Variants in PRKCA observed in about 807,000 individuals in gnomAD.
PRKCA encodes the protein protein kinase C alpha, also known as protein kinase C alpha type.
A neutral mutation model predicts 87.0 loss-of-function variants in PRKCA; 27 were observed. That is an observed-to-expected ratio of 0.31 (90% CI 0.23 to 0.43). The LOEUF (loss-of-function observed/expected upper bound fraction) is 0.43. PRKCA is among the 20% of genes least tolerant of loss of function. The pLI is 1.00. For synonymous variants in PRKCA, 329 were observed against 311.1 expected, an observed-to-expected ratio of 1.06 and a Z score of -0.61; for missense variants, 518 against 852.3, an observed-to-expected ratio of 0.61 and a Z score of 4.88.
At chr17:66,553,748 G>A (rs1968412702) in intron 3 of PRKCA, among the ~76,000 whole-genome samples, 1 of 152,234 alleles carries the variant, frequency 6.6e-6, no homozygotes, top group African/African-American at 2.4e-5. Flanking sequence ...CATCTTGGAA[G>A]TGGATCCTTT....
chr17:66,385,272 T>A (rs764086380), intron 2 of PRKCA, among the ~76,000 whole-genome samples: 1 of 152,086 alleles, frequency 6.6e-6, no homozygotes, highest in Non-Finnish European at 1.5e-5. Flanking sequence ...AAGAGTGCAT[T>A]GAATCAAGTA....
Position 66,680,085 on chromosome 17 carries a change from C to T in PRKCA, c.530-7026C>T, listed in dbSNP as rs201264933. 1.1e-3 allele frequency among the ~76,000 whole-genome samples: 167 copies of T among 152,316 alleles called. 2 individuals carry two copies. The highest frequency in any genetic ancestry group is 1.5e-3 in the East Asian group (8 of 5,182). On this transcript the variant is annotated intron_variant, in intron 5 of 16. Transcript: ENST00000413366. The stretch of plus-strand genomic sequence containing the variant: ...TGGGTTGTGGAAGCGTCCTTCACTC[C>T]GTGGCCTGGTGTTGAATGACATGAA...
chr17:66,525,960 T>C (rs986566035), intron 3 of PRKCA, among the ~76,000 whole-genome samples: 4 of 152,158 alleles, frequency 2.6e-5, no homozygotes, highest in African/African-American at 9.6e-5. Context: ...AAATAAACAA[T>C]AAGAGTCGTC....
intron 2 of PRKCA, among the ~76,000 whole-genome samples, chr17:66,491,740 A>G (rs549416754): frequency 2.0e-5 from 3 of 151,870 alleles, no homozygotes; most frequent in Non-Finnish European, 2.9e-5. Flanking sequence ...TCTTTCAACA[A>G]TGCTAGCAAG....
chr17:66,422,777 A>T (rs1912561229), intron 2 of PRKCA, among the ~76,000 whole-genome samples: 1 of 152,156 alleles, frequency 6.6e-6, no homozygotes, highest in Admixed American at 6.5e-5. Flanking sequence ...TCTTGGATTC[A>T]TTCAATAACC....
At chr17:66,562,174 A>G (rs1020820932) in intron 3 of PRKCA, among the ~76,000 whole-genome samples, 1 of 85,186 alleles carries the variant, frequency 1.2e-5, no homozygotes. Flanking sequence ...AATTAAATAT[A>G]TATAATTAAG....
intron 13 of PRKCA, among the ~76,000 whole-genome samples, chr17:66,764,787 C>A (rs896809403): frequency 6.6e-6 from 1 of 152,232 alleles, no homozygotes; most frequent in African/African-American, 2.4e-5. Flanking sequence ...CAGCCCCTTG[C>A]CTGGGGCTTC....
chr17:66,680,952 G>T (rs1972474093), intron 5 of PRKCA, among the ~76,000 whole-genome samples: 1 of 152,208 alleles, frequency 6.6e-6, no homozygotes, highest in Non-Finnish European at 1.5e-5. Flanking sequence ...GGAGGGACTG[G>T]GTGCAGTGGC....
chr17:66,618,029 G>A (rs933201856), intron 3 of PRKCA, among the ~76,000 whole-genome samples: 2 of 152,128 alleles, frequency 1.3e-5, no homozygotes, highest in Non-Finnish European at 2.9e-5. Flanking sequence ...GAAGAATCTT[G>A]TCCTGGAGGT....
chr17:66,608,511 T>G (rs1299350363), intron 3 of PRKCA, among the ~76,000 whole-genome samples: 1 of 152,246 alleles, frequency 6.6e-6, no homozygotes, highest in Non-Finnish European at 1.5e-5. Context: ...TTTTTATTTT[T>G]TCACAAACTG....
At chr17:66,704,836 A>G (rs1435230529) in intron 8 of PRKCA, among the ~76,000 whole-genome samples, 5 of 152,266 alleles carry the variant, frequency 3.3e-5, no homozygotes, top group Admixed American at 3.3e-4. Flanking sequence ...TTGCTAGGTT[A>G]TATGTGGAAA....
At chr17:66,489,403 C>T (rs1916132907) in intron 2 of PRKCA, among the ~76,000 whole-genome samples, 1 of 132,588 alleles carries the variant, frequency 7.5e-6, no homozygotes, top group African/African-American at 2.8e-5. Flanking sequence ...ATATTTCCCC[C>T]CTCAATGAAT....
At chr17:66,496,680 G>T (rs1359585495) in intron 3 of PRKCA, among the ~76,000 whole-genome samples, 1 of 127,820 alleles carries the variant, frequency 7.8e-6, no homozygotes, top group Non-Finnish European at 1.5e-5. Context: ...GTCTCACTCT[G>T]TTGCCCAGGC....
At chr17:66,700,710 G>T (rs1310188428) in intron 8 of PRKCA, among the ~76,000 whole-genome samples, 1 of 152,024 alleles carries the variant, frequency 6.6e-6, no homozygotes, top group Non-Finnish European at 1.5e-5. Context: ...GCATCAAAAA[G>T]AACGAAATAC....
At chr17:66,690,692 G>A (rs1010278222) in intron 8 of PRKCA, among the ~76,000 whole-genome samples, 2 of 151,928 alleles carry the variant, frequency 1.3e-5, no homozygotes, top group Non-Finnish European at 2.9e-5. Flanking sequence ...GCCGGGTTTG[G>A]TGGCATGTGC....
chr17:66,335,016 A>G (rs901320726), intron 2 of PRKCA, among the ~76,000 whole-genome samples: 2 of 152,234 alleles, frequency 1.3e-5, no homozygotes, highest in African/African-American at 4.8e-5. Flanking sequence ...GGACAAATGT[A>G]TAGTTTCACT....
chr17:66,759,820 A>G (rs1237665509), intron 13 of PRKCA, among the ~76,000 whole-genome samples: 4 of 152,218 alleles, frequency 2.6e-5, no homozygotes, highest in Non-Finnish European at 5.9e-5. Flanking sequence ...CAGAGCAAGG[A>G]GAGTTATCAT....
At chr17:66,360,664 T>G (rs1242691374) in intron 2 of PRKCA, among the ~76,000 whole-genome samples, 1 of 152,104 alleles carries the variant, frequency 6.6e-6, no homozygotes, top group Non-Finnish European at 1.5e-5. Context: ...GGAGTCAGAT[T>G]TAAGGGATAA....
intron 13 of PRKCA, among the ~76,000 whole-genome samples, chr17:66,756,308 C>A (rs188771122): frequency 6.6e-6 from 1 of 152,112 alleles, no homozygotes; most frequent in African/African-American, 2.4e-5. Context: ...GGGACATCCC[C>A]GATTCCAATC....
Sources: gnomAD v4.1 joint callset for allele counts (sites outside exome capture counted in the v4.1 genomes callset) on GRCh38, gnomAD v4.1.1 for gene constraint, MANE v1.5 for transcripts, NCBI Gene and HGNC (gene_info 2026-07-23, HGNC 2026-07-21) for gene names.